The following DYNC1I1 variants were observed in gnomAD, a reference collection of about 807,000 sequenced individuals.
DYNC1I1 encodes the protein cytoplasmic dynein 1 intermediate chain 1.
In DYNC1I1, 43 loss-of-function variants were observed where a neutral mutation model predicts 86.6. That is an observed-to-expected ratio of 0.50 (90% CI 0.39 to 0.64). The LOEUF is 0.64. DYNC1I1 is among the 30% of genes least tolerant of loss of function. The pLI, the probability that DYNC1I1 is intolerant of heterozygous loss-of-function variation, is 0.00. For missense variants in DYNC1I1, 604 were observed against 788.8 expected, an observed-to-expected ratio of 0.77 and a Z score of 2.81; for synonymous variants, 262 against 283.7, an observed-to-expected ratio of 0.92 and a Z score of 0.77.
chr7:95,804,072 A>C (rs1005331553), intron 1 of DYNC1I1: 3 of 163,878 alleles, frequency 1.8e-5, no homozygotes, highest in African/African-American at 7.2e-5. Context: ...TATTACATTC[A>C]GAATGCAAAT....
chr7:96,044,810 G>A (rs908713900), intron 14 of DYNC1I1, among the ~76,000 whole-genome samples: 3 of 152,190 alleles, frequency 2.0e-5, no homozygotes, highest in Non-Finnish European at 4.4e-5. Context: ...GATTTCAGCT[G>A]ATCACAGAGG....
chr7:95,978,834 G>A (rs1793378416), intron 7 of DYNC1I1, among the ~76,000 whole-genome samples: 1 of 151,224 alleles, frequency 6.6e-6, no homozygotes, highest in African/African-American at 2.4e-5. Flanking sequence ...GTCTCACTCT[G>A]TCCCAGGCTG....
At chr7:96,064,208 ATATC>A (rs1365177038) in intron 14 of DYNC1I1, among the ~76,000 whole-genome samples, 3 of 122,894 alleles carry the variant, frequency 2.4e-5, no homozygotes, top group Admixed American at 7.9e-5. Context: ...AGAAATATTC[ATATC>A]TCTCTCTCTC....
chr7:95,884,805 A>T lies in DYNC1I1; in HGVS notation c.490+14807A>T, dbSNP rs1052120004. 2.6e-5 allele frequency among the ~76,000 whole-genome samples: 4 copies of T among 152,138 alleles called. No homozygotes were observed. In the East Asian group the frequency reaches 5.8e-4, roughly 22 times the overall value. ...AGAAAAAAAAAGACAAAAAAAAAAA[A>T]ATAAGCGTAATAGAGACAACAGCTT... is the stretch of plus-strand genomic sequence containing the variant. On this transcript the variant is annotated intron_variant, in intron 6 of 16. Coordinates refer to ENST00000447467, the MANE Select transcript of DYNC1I1 (RefSeq NM_001135556.2).
intron 2 of DYNC1I1, among the ~76,000 whole-genome samples, chr7:95,805,849 C>G (rs549334153): frequency 2.4e-4 from 36 of 152,200 alleles, no homozygotes; most frequent in African/African-American, 8.7e-4. Context: ...TATTTTGATG[C>G]CTTACAATCT....
At chr7:95,876,150 C>T (rs1790304083) in intron 6 of DYNC1I1, among the ~76,000 whole-genome samples, 2 of 152,170 alleles carry the variant, frequency 1.3e-5, no homozygotes, top group Admixed American at 1.3e-4. Context: ...TTCAAGAACC[C>T]TGTGCTCATT....
At chr7:95,830,950 G>T (rs576480262) in intron 5 of DYNC1I1, among the ~76,000 whole-genome samples, 9 of 152,006 alleles carry the variant, frequency 5.9e-5, no homozygotes, top group Non-Finnish European at 1.2e-4. Context: ...GTTTTAATTT[G>T]CATTTCCCTA....
intron 15 of DYNC1I1, among the ~76,000 whole-genome samples, chr7:96,077,800 T>C (rs1006274780): frequency 2.0e-5 from 3 of 152,194 alleles, no homozygotes; most frequent in African/African-American, 7.2e-5. Context: ...CTGTTTTTCT[T>C]TTAAATTTTT....
intron 6 of DYNC1I1, among the ~76,000 whole-genome samples, chr7:95,907,213 T>G (rs1406530687): frequency 6.6e-6 from 1 of 152,156 alleles, no homozygotes; most frequent in Non-Finnish European, 1.5e-5. Flanking sequence ...TGGAAAAATA[T>G]TTGGATACGA....
At chr7:96,099,010 G>A (rs1005735460), downstream of DYNC1I1, among the ~76,000 whole-genome samples, 5 of 152,002 alleles carry the variant, frequency 3.3e-5, no homozygotes, top group Non-Finnish European at 5.9e-5. Context: ...ACAATATTTA[G>A]ATATTGAAAT....
chr7:95,797,877 C>T (rs1794479527), intron 1 of DYNC1I1, among the ~76,000 whole-genome samples: 1 of 151,934 alleles, frequency 6.6e-6, no homozygotes, highest in Non-Finnish European at 1.5e-5. Flanking sequence ...TATAAGAAAG[C>T]ATTTGACTTC....
intron 10 of DYNC1I1, among the ~76,000 whole-genome samples, chr7:96,001,747 A>G (rs1184547395): frequency 2.6e-5 from 4 of 151,988 alleles, no homozygotes; most frequent in African/African-American, 9.7e-5. Flanking sequence ...ATCCTATCCT[A>G]TCAGGTCCCT....
downstream of DYNC1I1, among the ~76,000 whole-genome samples, chr7:96,101,466 T>G (rs1388892481): frequency 6.6e-6 from 1 of 152,152 alleles, no homozygotes; most frequent in East Asian, 1.9e-4. Flanking sequence ...ATTGTGATGA[T>G]CTCCCCAGTC....
chr7:96,109,964 T>C (rs1239535049), intron 16 of DYNC1I1: 1 of 299,398 alleles, frequency 3.3e-6, no homozygotes, highest in Non-Finnish European at 6.6e-6. Flanking sequence ...CTTTTTTTTC[T>C]TTTTGTGGAC....
At position 95,995,872 on chromosome 7, in the gene DYNC1I1, G is replaced by C. The variant is rs541762176; in HGVS notation, c.844-76G>C. The C allele has an allele frequency of 7.2e-6, 11 of 1,529,334 alleles. No individual in the cohort carries two copies. In the East Asian group the frequency reaches 2.5e-4, roughly 34 times the overall value. 94.7% of individuals were successfully genotyped at this position (1,529,334 alleles called of 1,614,324 possible). ...CCATTTACACTGTGTAGTATACCACGTGTATGTAGGAATAACAAAGTTTTC... is the reference window on the plus strand; with the variant it reads ...CCATTTACACTGTGTAGTATACCACCTGTATGTAGGAATAACAAAGTTTTC... On this transcript the variant is annotated intron_variant, in intron 9 of 16. Transcript: ENST00000447467.
downstream of DYNC1I1, among the ~76,000 whole-genome samples, chr7:96,101,414 G>C (rs966424762): frequency 6.6e-6 from 1 of 152,122 alleles, no homozygotes; most frequent in Non-Finnish European, 1.5e-5. Flanking sequence ...GAGGTTGCTA[G>C]GAGGGAGGAC....
intron 6 of DYNC1I1, among the ~76,000 whole-genome samples, chr7:95,927,321 C>T (rs1282108048): frequency 2.0e-5 from 3 of 152,056 alleles, no homozygotes; most frequent in South Asian, 2.1e-4. Context: ...GGGAGGTGAC[C>T]GTCCATACAA....
At chr7:96,109,147 A>G (rs1334500690) in intron 16 of DYNC1I1, among the ~76,000 whole-genome samples, 1 of 150,902 alleles carries the variant, frequency 6.6e-6, no homozygotes, top group African/African-American at 2.4e-5. Context: ...TGCCAATTTT[A>G]TTGATCTTTT....
At chr7:96,100,102 C>T (rs1791105220), downstream of DYNC1I1, among the ~76,000 whole-genome samples, 1 of 152,174 alleles carries the variant, frequency 6.6e-6, no homozygotes, top group South Asian at 2.1e-4. Context: ...TGATGCCTTG[C>T]TTTGAAACCC....
Sources: allele counts gnomAD v4.1 joint callset (sites outside exome capture counted in the v4.1 genomes callset), GRCh38; gene constraint gnomAD v4.1.1; transcripts MANE v1.5; gene names NCBI Gene and HGNC (gene_info 2026-07-23, HGNC 2026-07-21).